The following CDH18 variants were observed in gnomAD, a reference collection of about 807,000 sequenced individuals.
CDH18 encodes cadherin 18.
CDH18 carries 31 observed loss-of-function variants against 67.9 expected under a neutral mutation model. The ratio of observed to expected loss-of-function variants is 0.46; its 90% confidence interval spans 0.34 to 0.62. CDH18 has a LOEUF of 0.62. CDH18 is among the 20% of genes least tolerant of loss of function. The pLI, the probability that CDH18 is intolerant of heterozygous loss-of-function variation, is 0.01. For synonymous variants in CDH18, 362 were observed against 347.2 expected (o/e 1.04, Z -0.48); for missense variants, 890 against 975.5 (o/e 0.91, Z 1.17).
intron 1 of CDH18, among the ~76,000 whole-genome samples, chr5:20,311,476 T>A (rs1317395097): frequency 6.6e-6 from 1 of 152,076 alleles, no homozygotes; most frequent in African/African-American, 2.4e-5. Context: ...TAAAAAAGGA[T>A]AAGTTCATGT....
At position 20,178,946 on chromosome 5, in the gene CDH18, G is replaced by A. The variant is rs183329701; in HGVS notation, c.-518+76498C>T. Among the ~76,000 whole-genome samples, 263 of 152,130 alleles carry A rather than the reference G, an allele frequency of 1.7e-3. 2 individuals are homozygous for A. The highest frequency in any genetic ancestry group is 6.1e-3 in the African/African-American group (254 of 41,528). The stretch of plus-strand genomic sequence containing the variant: ...CTGCATTAATTATTACTTTCAAGAG[G>A]GAGTTGACAGTCACTCAAAAGGGAA... On this transcript the variant is annotated intron_variant, in intron 2 of 14. Coordinates refer to the CDH18 transcript ENST00000507958.
At chr5:20,057,537 G>T (rs1198977785) in intron 2 of CDH18, among the ~76,000 whole-genome samples, 1 of 152,038 alleles carries the variant, frequency 6.6e-6, no homozygotes, top group Non-Finnish European at 1.5e-5. Flanking sequence ...CATGCACTGG[G>T]GTTACAAAAC....
At chr5:20,570,836 C>T (rs1758773423) in intron 1 of CDH18, among the ~76,000 whole-genome samples, 7 of 152,094 alleles carry the variant, frequency 4.6e-5, no homozygotes. Context: ...AACAACTATA[C>T]CCAGATATAC....
chr5:19,544,989 C>T (rs347746), intron 8 of CDH18, among the ~76,000 whole-genome samples: 16,355 of 151,748 alleles, frequency 0.11, 1,315 homozygotes, highest in African/African-American at 0.22. Context: ...TTTTTTAAGA[C>T]CCCTGAGTTT....
At chr5:20,309,294 T>C (rs1387491377) in intron 1 of CDH18, among the ~76,000 whole-genome samples, 1 of 152,180 alleles carries the variant, frequency 6.6e-6, no homozygotes, top group Non-Finnish European at 1.5e-5. Flanking sequence ...TTTATGCCTC[T>C]TCACCTAATG....
At chr5:19,811,163 A>G (rs570020443) in intron 3 of CDH18, among the ~76,000 whole-genome samples, 1 of 105,332 alleles carries the variant, frequency 9.5e-6, no homozygotes, top group East Asian at 2.2e-4. Flanking sequence ...AGAAAGAAGG[A>G]GAGAAAGAAA....
intron 2 of CDH18, among the ~76,000 whole-genome samples, chr5:20,242,638 A>ATATATATACATATATATGTG (rs1743065808): frequency 2.7e-5 from 3 of 109,526 alleles, no homozygotes; most frequent in African/African-American, 1.6e-4. Flanking sequence ...ATATATGTAT[A>ATATATATACATATATATGTG]TATATATATA....
At chr5:20,392,083 T>C (rs1744912255) in intron 1 of CDH18, among the ~76,000 whole-genome samples, 1 of 151,918 alleles carries the variant, frequency 6.6e-6, no homozygotes, top group Non-Finnish European at 1.5e-5. Context: ...TATTTATTTG[T>C]CAAAGTATTT....
intron 3 of CDH18, among the ~76,000 whole-genome samples, chr5:19,788,373 G>A (rs2149805229): frequency 6.6e-6 from 1 of 152,298 alleles, no homozygotes; most frequent in East Asian, 1.9e-4. Flanking sequence ...GTTTCCACAT[G>A]ATAAAGAGAC....
chr5:20,548,051 T>TA (rs33928330), intron 1 of CDH18, among the ~76,000 whole-genome samples: 16 of 150,220 alleles, frequency 1.1e-4, no homozygotes, highest in Admixed American at 3.3e-4. Flanking sequence ...GCTTTAAGAC[T>TA]AAAAAAAAAC....
At chr5:19,779,576 A>G (rs1277521008) in intron 3 of CDH18, among the ~76,000 whole-genome samples, 1 of 152,144 alleles carries the variant, frequency 6.6e-6, no homozygotes, top group Admixed American at 6.6e-5. Flanking sequence ...TCCAGCCAAG[A>G]GGGAGAAAAA....
intron 9 of CDH18, among the ~76,000 whole-genome samples, chr5:19,534,115 C>T (rs1470565931): frequency 1.3e-5 from 2 of 151,946 alleles, no homozygotes; most frequent in East Asian, 1.9e-4. Flanking sequence ...CAAATTGCTC[C>T]TTATTGTGTA....
intron 1 of CDH18, among the ~76,000 whole-genome samples, chr5:20,567,607 G>A (rs997335031): frequency 6.6e-6 from 1 of 152,088 alleles, no homozygotes; most frequent in African/African-American, 2.4e-5. Flanking sequence ...GGCTGACAAG[G>A]GAAGCAAATA....
chr5:19,827,611 G>T (rs545763138), intron 3 of CDH18, among the ~76,000 whole-genome samples: 1 of 152,216 alleles, frequency 6.6e-6, no homozygotes, highest in East Asian at 1.9e-4. Context: ...CAAAGATGTG[G>T]AAAGTAAACA....
chr5:20,479,873 C>T (rs757871066), intron 1 of CDH18, among the ~76,000 whole-genome samples: 3 of 151,928 alleles, frequency 2.0e-5, no homozygotes, highest in Non-Finnish European at 4.4e-5. Flanking sequence ...AAGAAAGTAA[C>T]CTAAAAGCAG....
intron 2 of CDH18, among the ~76,000 whole-genome samples, chr5:19,889,881 C>A (rs919691123): frequency 6.6e-6 from 1 of 152,108 alleles, no homozygotes; most frequent in South Asian, 2.1e-4. Context: ...AAGAGAATTA[C>A]ATGCGATATC....
Position 19,529,055 on chromosome 5 carries a change from A to T in CDH18, c.1391-8277T>A, listed in dbSNP as rs186762019. Among the ~76,000 whole-genome samples, 83 of 152,040 alleles carry T rather than the reference A, an allele frequency of 5.5e-4. No homozygotes were observed. In the Middle Eastern group the frequency reaches 0.014, roughly 25 times the overall value. On this transcript the variant is annotated intron_variant, in intron 9 of 12. Transcript: ENST00000382275. ...GCCATCACAAAGGATCGTAAAATGG[A>T]ATAAAATATATAAAAAAGAAAATAG...
At chr5:19,518,115 A>G (rs1160872076) in intron 10 of CDH18, among the ~76,000 whole-genome samples, 1 of 151,976 alleles carries the variant, frequency 6.6e-6, no homozygotes, top group Non-Finnish European at 1.5e-5. Flanking sequence ...TTTATACTAT[A>G]AAAGTATTTA....
intron 1 of CDH18, among the ~76,000 whole-genome samples, chr5:20,367,120 T>C (rs1288422261): frequency 6.6e-6 from 1 of 152,016 alleles, no homozygotes; most frequent in Non-Finnish European, 1.5e-5. Context: ...CACTAAACAG[T>C]ATGAGTTTCT....
Sources: gnomAD v4.1 joint callset for allele counts (sites outside exome capture counted in the v4.1 genomes callset) on GRCh38, gnomAD v4.1.1 for gene constraint, MANE v1.5 for transcripts, NCBI Gene and HGNC (gene_info 2026-07-23, HGNC 2026-07-21) for gene names.